Variants in NXPE2 observed in about 807,000 individuals in gnomAD.
NXPE2 encodes neurexophilin and PC-esterase domain family member 2.
A neutral mutation model predicts 34.4 loss-of-function variants in NXPE2; 34 were observed. The ratio of observed to expected loss-of-function variants is 0.99; its 90% CI spans 0.75 to 1.31. The LOEUF (loss-of-function observed/expected upper bound fraction) is 1.31, where lower values mean the gene tolerates loss of function less well. NXPE2 is among the 40% of genes most tolerant of loss of function. The pLI is 0.00. For missense variants in NXPE2, 649 were observed against 672.5 expected, an observed-to-expected ratio of 0.97 and a Z score of 0.39; for synonymous variants, 235 against 231.3, an observed-to-expected ratio of 1.02 and a Z score of -0.15.
the NXPE2 span, among the ~76,000 whole-genome samples, chr11:114,604,620 G>A: frequency 6.6e-6 from 1 of 151,948 alleles, no homozygotes; most frequent in Non-Finnish European, 1.5e-5. Flanking sequence ...CGGATACTAA[G>A]TATTGCCTTG....
the NXPE2 span, among the ~76,000 whole-genome samples, chr11:114,668,427 A>G: frequency 2.0e-5 from 3 of 151,942 alleles, no homozygotes; most frequent in Non-Finnish European, 2.9e-5. Context: ...ACAGCAGTAG[A>G]TAACTAATAC....
At chr11:114,581,649 CA>C in the NXPE2 span, 1 of 1,241,940 alleles carries the variant, frequency 8.1e-7, no homozygotes, top group Non-Finnish European at 1.2e-6. Flanking sequence ...AAACAGTGAA[CA>C]AATCCAGTAG....
the NXPE2 span, among the ~76,000 whole-genome samples, chr11:114,492,634 G>A: frequency 3.3e-4 from 50 of 152,104 alleles, no homozygotes; most frequent in African/African-American, 1.2e-3. Context: ...CGCGTCCTGG[G>A]TTCACGCCAT....
At chr11:114,749,045 A>G in the NXPE2 span, among the ~76,000 whole-genome samples, 8 of 152,210 alleles carry the variant, frequency 5.3e-5, no homozygotes, top group Non-Finnish European at 1.0e-4. Context: ...TTTCTAGGAC[A>G]AGACATTCCA....
chr11:114,639,755 T>C, the NXPE2 span, among the ~76,000 whole-genome samples: 1 of 127,694 alleles, frequency 7.8e-6, no homozygotes, highest in Non-Finnish European at 1.6e-5. Flanking sequence ...ATAATATATA[T>C]TATATTAAAT....
the NXPE2 span, among the ~76,000 whole-genome samples, chr11:114,490,619 TA>T: frequency 4.6e-5 from 7 of 152,206 alleles, no homozygotes; most frequent in African/African-American, 1.7e-4. Context: ...CCCTATTTAA[TA>T]AATGGTGCTG....
At chr11:114,576,969 A>C in the NXPE2 span, among the ~76,000 whole-genome samples, 1 of 134,802 alleles carries the variant, frequency 7.4e-6, no homozygotes, top group Non-Finnish European at 1.5e-5. Flanking sequence ...TGGATAAAGA[A>C]GATGTTTATA....
the NXPE2 span, among the ~76,000 whole-genome samples, chr11:114,618,378 T>C: frequency 1.4e-5 from 2 of 147,476 alleles, no homozygotes; most frequent in African/African-American, 5.0e-5. Flanking sequence ...TCATGGGTAG[T>C]CACTGTTACC....
chr11:114,789,590 A>G, the NXPE2 span, among the ~76,000 whole-genome samples: 5 of 152,298 alleles, frequency 3.3e-5, no homozygotes, highest in Admixed American at 2.6e-4. Context: ...AATAAACATC[A>G]GAGAAACAAA....
chr11:114,651,037 A>T, the NXPE2 span, among the ~76,000 whole-genome samples: 1 of 152,110 alleles, frequency 6.6e-6, no homozygotes, highest in East Asian at 1.9e-4. Flanking sequence ...AGTCTGTGGT[A>T]CATTGAAGGT....
the NXPE2 span, chr11:114,551,257 C>G: frequency 1.5e-6 from 2 of 1,318,114 alleles, no homozygotes; most frequent in South Asian, 1.3e-5. Context: ...GTGAATCTCT[C>G]TGTACTCACT....
the NXPE2 span, among the ~76,000 whole-genome samples, chr11:114,535,818 G>C: frequency 0.24 from 36,456 of 151,872 alleles, 6,394 homozygotes; most frequent in African/African-American, 0.49. Flanking sequence ...CTTAGACTCC[G>C]ACACAATAAT....
At chr11:114,543,201 CA>C in the NXPE2 span, among the ~76,000 whole-genome samples, 1 of 151,914 alleles carries the variant, frequency 6.6e-6, no homozygotes, top group African/African-American at 2.4e-5. Flanking sequence ...ACTAAAAATA[CA>C]AAAATTAGTT....
At chr11:114,811,346 T>TAAA in the NXPE2 span, among the ~76,000 whole-genome samples, 32 of 150,776 alleles carry the variant, frequency 2.1e-4, no homozygotes, top group East Asian at 2.7e-3. Context: ...AATAATAAAA[T>TAAA]AAAAAAAATG....
chr11:114,615,315 G>C, the NXPE2 span, among the ~76,000 whole-genome samples: 1 of 151,824 alleles, frequency 6.6e-6, no homozygotes, highest in Non-Finnish European at 1.5e-5. Flanking sequence ...TTGCCTTGTG[G>C]GTAACCACCA....
At chr11:114,583,005 T>C in the NXPE2 span, 1 of 1,611,254 alleles carries the variant, frequency 6.2e-7, no homozygotes, top group Non-Finnish European at 8.5e-7. Context: ...GATGGATAAG[T>C]TTAGAGCAGA....
At chr11:114,691,135 G>A (rs970659566) in intron 2 of NXPE2, among the ~76,000 whole-genome samples, 9 of 152,110 alleles carry the variant, frequency 5.9e-5, no homozygotes, top group Admixed American at 1.3e-4. Flanking sequence ...CTTTGGAGGT[G>A]ATGAAACACT....
At chr11:114,600,379 C>T in the NXPE2 span, among the ~76,000 whole-genome samples, 1 of 152,034 alleles carries the variant, frequency 6.6e-6, no homozygotes, top group African/African-American at 2.4e-5. Flanking sequence ...ATGAAATGAC[C>T]CATTTTCCTC....
At chr11:114,765,916 A>G in the NXPE2 span, among the ~76,000 whole-genome samples, 2 of 152,060 alleles carry the variant, frequency 1.3e-5, no homozygotes, top group East Asian at 1.9e-4. Flanking sequence ...TGTCCTTGCT[A>G]TTTTAACCTC....
Sources: allele counts gnomAD v4.1 joint callset (sites outside exome capture counted in the v4.1 genomes callset), GRCh38; gene constraint gnomAD v4.1.1; transcripts MANE v1.5; gene names NCBI Gene and HGNC (gene_info 2026-07-23, HGNC 2026-07-21).